ERCC1: variants seen among roughly 807,000 people sequenced by gnomAD.
The protein encoded by ERCC1 is DNA excision repair protein ERCC-1.
Under a neutral mutation model 37.6 loss-of-function variants are expected in ERCC1, and 36 were observed. The observed-to-expected ratio is 0.96, with a 90% CI of 0.73 to 1.26. The LOEUF (loss-of-function observed/expected upper bound fraction) is 1.26. Ranked by LOEUF, ERCC1 falls within the 50% of genes most tolerant of loss-of-function variation. The pLI is 0.00. For synonymous variants in ERCC1, 156 were observed against 162.1 expected (o/e 0.96, Z 0.28); for missense variants, 349 against 376.5 (o/e 0.93, Z 0.60).
At position 45,420,376 on chromosome 19, in the gene ERCC1, CG is replaced by C; in HGVS notation, c.372del (p.Asp125ThrfsTer2). The C allele has an allele frequency of 6.2e-7, 1 of 1,613,916 alleles. No homozygotes were observed. The highest frequency in any genetic ancestry group is 8.5e-7 in the Non-Finnish European group (1 of 1,179,906). On this transcript the variant is annotated frameshift_variant, in exon 4 of 10. Transcript: ENST00000300853. LOFTEE classifies it high-confidence loss of function. This position sits in a 1 kb window ranked among gnomAD's most constrained non-coding sequence, Gnocchi z 4.8. Reference protein sequence around the residue: ...KFVRNVPWEFGDVIPDYVLGQ... With the variant: ...KFVRNVPWEFXDVIPDYVLGQ... ...CCCAGCACATAGTCGGGAATTACGT[CG>C]CCAAATTCCCAGGGCACATTGCGCA...
chr19:45,409,766 A>T, intron 9 of ERCC1, 41 bp from the exon 10 acceptor site: 1 of 760,932 alleles, frequency 1.3e-6, no homozygotes, highest in South Asian at 1.4e-5. Context: ...CAGTCATTAA[A>T]GGAGCTGTTT....
upstream of ERCC1, among the ~76,000 whole-genome samples, chr19:45,427,729 A>T (rs1413022041): frequency 2.0e-5 from 3 of 152,184 alleles, no homozygotes; most frequent in Non-Finnish European, 4.4e-5. Flanking sequence ...CCCTTGGGGA[A>T]TGGAATTGCC....
intron 2 of ERCC1, 42 bp downstream of exon 2, chr19:45,423,228 C>T: frequency 6.3e-7 from 1 of 1,575,588 alleles, no homozygotes; most frequent in Non-Finnish European, 8.6e-7. Flanking sequence ...TTCGTCCTAA[C>T]AGCCCCCAGC....
At chr19:45,411,832 G>C (rs1407955023) in intron 9 of ERCC1, among the ~76,000 whole-genome samples, 1 of 147,794 alleles carries the variant, frequency 6.8e-6, no homozygotes, top group Non-Finnish European at 1.5e-5. Context: ...AGCTGAGATG[G>C]TATCTCATTA....
At chr19:45,413,846 T>C in intron 8 of ERCC1, 101 bp from the exon 9 acceptor site, 2 of 1,587,050 alleles carry the variant, frequency 1.3e-6, no homozygotes, top group East Asian at 2.2e-5. Flanking sequence ...GATGAGGGCC[T>C]GTGGGAAGGC....
chr19:45,429,015 A>G (rs1291582227), intron 1 of ERCC1: 1 of 152,264 alleles, frequency 6.6e-6, no homozygotes, highest in African/African-American at 2.4e-5. Context: ...GGAGGCGCCT[A>G]GCCCCTACTC....
chr19:45,424,447 C>T (rs568815042), upstream of ERCC1: 1 of 152,422 alleles, frequency 6.6e-6, no homozygotes, highest in Non-Finnish European at 1.5e-5. Context: ...GCGCCTGACT[C>T]AGCCCCGGAG....
rs1321776782 is a variant in ERCC1, at chr19:45,409,305, C to A, written c.*370G>T. 1 of 1,613,840 alleles carries A rather than the reference C, an allele frequency of 6.2e-7. No homozygotes were observed. The highest frequency in any genetic ancestry group is 8.5e-7 in the Non-Finnish European group (1 of 1,180,006). ...ATTCAGCCACTAGAGCCTGAACTGC[C>A]AGGGGAGGGACAGCCTGAAGCCAGG... On this transcript the variant is annotated 3_prime_UTR_variant, in exon 10 of 10. Transcript: ENST00000300853.
At chr19:45,438,249 G>A (rs1975032729) in intron 1 of ERCC1, among the ~76,000 whole-genome samples, 1 of 151,826 alleles carries the variant, frequency 6.6e-6, no homozygotes, top group Admixed American at 6.6e-5. Flanking sequence ...TGTGCTTTTT[G>A]TAGAGATGGC....
At chr19:45,438,795 C>T (rs1431628704) in intron 1 of ERCC1, among the ~76,000 whole-genome samples, 2 of 151,936 alleles carry the variant, frequency 1.3e-5, no homozygotes, top group South Asian at 4.2e-4. Context: ...GCATGCGCCA[C>T]CACGCCCGGC....
intron 6 of ERCC1, chr19:45,416,586 C>A (rs571604083): frequency 1.2e-5 from 6 of 517,422 alleles, no homozygotes; most frequent in Non-Finnish European, 2.1e-5. Flanking sequence ...AAGGCAGAGC[C>A]GAGATCGTGC....
At chr19:45,447,480 G>A (rs981579391) in intron 1 of ERCC1, among the ~76,000 whole-genome samples, 63 of 151,950 alleles carry the variant, frequency 4.1e-4, no homozygotes, top group African/African-American at 1.4e-3. Flanking sequence ...TCACCATGTC[G>A]GTCAGGCTGG....
intron 5 of ERCC1, among the ~76,000 whole-genome samples, chr19:45,418,265 C>T (rs1164405565): frequency 6.6e-6 from 1 of 152,146 alleles, no homozygotes; most frequent in Non-Finnish European, 1.5e-5. Context: ...AGGAGAATCA[C>T]CTGAATCCAG....
upstream of ERCC1, among the ~76,000 whole-genome samples, chr19:45,427,137 AAAAC>A (rs543989337): frequency 6.1e-3 from 923 of 152,162 alleles, 7 homozygotes; most frequent in African/African-American, 0.02. Context: ...CAAACAAAAC[AAAAC>A]AAACAAACAA....
Position 45,408,127 on chromosome 19 carries a change from C to A in ERCC1, c.*1548G>T. 2 of 1,591,658 alleles carry A rather than the reference C, an allele frequency of 1.3e-6. No individual in the cohort carries two copies. Among genetic ancestry groups the A allele is most frequent in the Admixed American group, 1.7e-5 (1 of 58,426 alleles). On this transcript the variant is annotated 3_prime_UTR_variant, in exon 10 of 10. Transcript: ENST00000300853. ...AAGCCTCTGCCCTCCCTGTTTCTCT[C>A]TGTAGCTTCAATGGGCGGCATGTGC...
rs780779664 is a variant in ERCC1 at position 45,408,684 on chromosome 19, T to C, written c.*991A>G. On this transcript the variant is annotated 3_prime_UTR_variant, in exon 10 of 10. Transcript: ENST00000300853. ...GGGACAGAGCCCACAGTGGAGACAC[T>C]GGAGCCTCTGGGAGTGCTGTTCCCG... 14 of 1,613,084 alleles carry C rather than the reference T, an allele frequency of 8.7e-6. No homozygotes were observed. The highest frequency in any genetic ancestry group is 1.2e-5 in the Non-Finnish European group (14 of 1,179,818).
chr19:45,444,694 G>A lies in ERCC1; in HGVS notation c.-7-21313C>T, dbSNP rs116930445. ...AACTGTCGGGGCGCAGAGATATAAG[G>A]AAAGACCACGCGACAGATCGAACAA... is the stretch of plus-strand genomic sequence containing the variant. On this transcript the variant is annotated intron_variant, in intron 1 of 8. Transcript: ENST00000423698. 5.1e-3 allele frequency among the ~76,000 whole-genome samples: 776 copies of A among 152,342 alleles called. 5 individuals are homozygous for A. Among genetic ancestry groups the A allele is most frequent in the Middle Eastern group, 0.014 (4 of 294 alleles).
upstream of ERCC1, among the ~76,000 whole-genome samples, chr19:45,427,820 G>A (rs774382590): frequency 1.3e-5 from 2 of 152,082 alleles, no homozygotes; most frequent in Admixed American, 6.6e-5. Context: ...TGGGGAGCCG[G>A]GGCCTCTCTG....
In ERCC1 at chr19:45,449,913, G is replaced by A. The variant is rs187123768; in HGVS notation, c.-7-26532C>T. Among the ~76,000 whole-genome samples, 116 of 152,246 alleles carry A rather than the reference G, an allele frequency of 7.6e-4. 1 individual carries two copies. The highest frequency in any genetic ancestry group is 1.5e-3 in the Non-Finnish European group (102 of 68,016). On this transcript the variant is annotated intron_variant, in intron 1 of 8. Transcript: ENST00000423698. Reference sequence around the variant, plus strand: ...TGGGAGGCAAAGGTTGCCGTGAGCCGAGATCATGCCATTGCACTCCAGCCT... The same window carrying A: ...TGGGAGGCAAAGGTTGCCGTGAGCCAAGATCATGCCATTGCACTCCAGCCT...
Sources: allele counts gnomAD v4.1 joint callset (sites outside exome capture counted in the v4.1 genomes callset), GRCh38; gene constraint gnomAD v4.1.1; non-coding constraint Gnocchi (gnomAD v3.1); transcripts MANE v1.5; gene names NCBI Gene and HGNC (gene_info 2026-07-23, HGNC 2026-07-21).